Variants in GRIN2B observed in about 807,000 individuals in gnomAD.
The protein encoded by GRIN2B is glutamate ionotropic receptor NMDA type subunit 2B.
In GRIN2B, 5 loss-of-function variants were observed where a neutral mutation model predicts 114.5. The ratio of observed to expected loss-of-function variants is 0.04; its 90% CI spans 0.02 to 0.09. The LOEUF (loss-of-function observed/expected upper bound fraction) is 0.09. Ranked by LOEUF, GRIN2B falls within the 10% of genes least tolerant of loss-of-function variation. The pLI, the probability that GRIN2B is intolerant of heterozygous loss-of-function variation, is 1.00. For synonymous variants in GRIN2B, 787 were observed against 745.1 expected, an observed-to-expected ratio of 1.06 and a Z score of -0.92; for missense variants, 1,108 against 1,943.5, an observed-to-expected ratio of 0.57 and a Z score of 8.08.
intron 4 of GRIN2B, among the ~76,000 whole-genome samples, chr12:13,704,951 G>A (rs1026901107): frequency 3.3e-5 from 5 of 152,090 alleles, no homozygotes; most frequent in African/African-American, 1.2e-4. Context: ...AATGCCCCAT[G>A]ACTGATTTCA....
At position 13,554,455 on chromosome 12, in the gene GRIN2B, C is replaced by G. The variant is rs1948453903; in HGVS notation, c.*8328G>C. 1 of 152,208 alleles carries G rather than the reference C, an allele frequency of 6.6e-6. No homozygotes were observed. Among genetic ancestry groups the G allele is most frequent in the African/African-American group, 2.4e-5 (1 of 41,536 alleles). The allele number at this position is 152,208 out of a possible 1,614,324, so 9.4% of individuals were successfully genotyped here. ...AGGAGAGTATTTTGGACAAAGGGAA[C>G]AGTTTAAGGGAAGACGCAAGTGGGA... On this transcript the variant is annotated 3_prime_UTR_variant, in exon 14 of 14. Coordinates refer to ENST00000609686, the MANE Select transcript of GRIN2B (RefSeq NM_000834.5).
chr12:13,781,998 G>A (rs1864124310), intron 3 of GRIN2B, among the ~76,000 whole-genome samples: 1 of 152,098 alleles, frequency 6.6e-6, no homozygotes, highest in Non-Finnish European at 1.5e-5. Context: ...CATACACATA[G>A]CCCCATCACA....
intron 2 of GRIN2B, among the ~76,000 whole-genome samples, chr12:13,893,362 A>G (rs554103920): frequency 4.9e-4 from 75 of 152,280 alleles, no homozygotes; most frequent in African/African-American, 1.8e-3. Context: ...AGCAGAAAAC[A>G]TTAAAAACTA....
intron 2 of GRIN2B, among the ~76,000 whole-genome samples, chr12:13,962,183 GCTT>G (rs1037320433): frequency 1.7e-4 from 26 of 151,548 alleles, no homozygotes; most frequent in African/African-American, 6.0e-4. Flanking sequence ...CTTGGCAGCT[GCTT>G]CTTCTTCCAG....
chr12:13,638,227 T>G (rs1458708919), intron 5 of GRIN2B, among the ~76,000 whole-genome samples: 1 of 152,032 alleles, frequency 6.6e-6, no homozygotes, highest in East Asian at 1.9e-4. Flanking sequence ...CAAGGGCACC[T>G]CCCTTGACCC....
chr12:13,572,112 C>A (rs1327676408), intron 10 of GRIN2B, 148 bp from the exon 11 acceptor site: 1 of 679,164 alleles, frequency 1.5e-6, no homozygotes, highest in Non-Finnish European at 2.6e-6. Context: ...TCACCGAATA[C>A]ATTAGCCCTC....
intron 3 of GRIN2B, among the ~76,000 whole-genome samples, chr12:13,758,558 A>C (rs1016423433): frequency 4.6e-5 from 7 of 152,254 alleles, no homozygotes; most frequent in Non-Finnish European, 1.0e-4. Flanking sequence ...GGTTCTTAAA[A>C]TGGAATGGGT....
At chr12:13,826,493 GC>G (rs1305083272) in intron 3 of GRIN2B, among the ~76,000 whole-genome samples, 3 of 151,968 alleles carry the variant, frequency 2.0e-5, no homozygotes, top group African/African-American at 7.2e-5. Flanking sequence ...ATAATATTTT[GC>G]CACTAAATAG....
At chr12:13,843,026 A>ATTAT (rs60291696) in intron 3 of GRIN2B, among the ~76,000 whole-genome samples, 74 of 117,092 alleles carry the variant, frequency 6.3e-4, no homozygotes, top group South Asian at 2.1e-3. Flanking sequence ...AAAATTTTTT[A>ATTAT]TTATTTATTT....
intron 3 of GRIN2B, among the ~76,000 whole-genome samples, chr12:13,838,862 A>G (rs1337285087): frequency 6.6e-6 from 1 of 152,234 alleles, no homozygotes; most frequent in Non-Finnish European, 1.5e-5. Flanking sequence ...GCAAAGCAGC[A>G]TAAATCTGCC....
chr12:13,976,531 A>G (rs1181249044), intron 2 of GRIN2B, among the ~76,000 whole-genome samples: 27 of 152,188 alleles, frequency 1.8e-4, no homozygotes, highest in Admixed American at 1.7e-3. Flanking sequence ...ACACAAGACT[A>G]TCGTTTGGAA....
At chr12:13,871,893 GTTTTAGAAA>G (rs1194025275) in intron 2 of GRIN2B, among the ~76,000 whole-genome samples, 1 of 152,034 alleles carries the variant, frequency 6.6e-6, no homozygotes, top group African/African-American at 2.4e-5. Context: ...TTTGAATTAA[GTTTTAGAAA>G]TTTTAGAAAT....
chr12:13,812,602 C>A (rs1864753131), intron 3 of GRIN2B, among the ~76,000 whole-genome samples: 1 of 152,038 alleles, frequency 6.6e-6, no homozygotes, highest in African/African-American at 2.4e-5. Context: ...ATGAACACTG[C>A]AAATGATATA....
chr12:13,818,457 T>A (rs1381417014), intron 3 of GRIN2B, among the ~76,000 whole-genome samples: 1 of 152,216 alleles, frequency 6.6e-6, no homozygotes, highest in East Asian at 1.9e-4. Context: ...GATTTATTTT[T>A]AAGAAGGGGT....
Position 13,830,929 on chromosome 12 carries a change from G to A in GRIN2B, c.411+34869C>T, listed in dbSNP as rs553495990. ...ACCGTCCAAACCTTTGTTGAAATTC[G>A]ATCCCCAATGTTGGAGGTGGGTCCT... On this transcript the variant is annotated intron_variant, in intron 3 of 13. Coordinates refer to ENST00000609686, the MANE Select transcript of GRIN2B (RefSeq NM_000834.5). 4.6e-5 allele frequency among the ~76,000 whole-genome samples: 7 copies of A among 152,310 alleles called. No individual in the cohort carries two copies. In the South Asian group the frequency reaches 1.0e-3, roughly 23 times the overall value.
At chr12:13,566,966 C>A in intron 13 of GRIN2B, 59 bp downstream of exon 13, 2 of 1,177,250 alleles carry the variant, frequency 1.7e-6, no homozygotes, top group South Asian at 2.4e-5. Flanking sequence ...CTCTGCTTTG[C>A]ACAGTGCTAG....
intron 2 of GRIN2B, among the ~76,000 whole-genome samples, chr12:13,948,090 G>A (rs575627592): frequency 6.6e-6 from 1 of 152,262 alleles, no homozygotes; most frequent in Admixed American, 6.5e-5. Flanking sequence ...AAGTGCCATT[G>A]GGGAAGGATA....
chr12:13,778,223 T>C (rs1045711516), intron 3 of GRIN2B, among the ~76,000 whole-genome samples: 2 of 152,208 alleles, frequency 1.3e-5, no homozygotes, highest in Non-Finnish European at 2.9e-5. Context: ...TAATTCTCTA[T>C]ATCAAGAACA....
intron 10 of GRIN2B, among the ~76,000 whole-genome samples, chr12:13,592,868 C>G (rs780014230): frequency 6.6e-6 from 1 of 152,140 alleles, no homozygotes. Context: ...ATTAAACAAG[C>G]ATTCAACTTC....
Sources: allele counts gnomAD v4.1 joint callset (sites outside exome capture counted in the v4.1 genomes callset), GRCh38; gene constraint gnomAD v4.1.1; transcripts MANE v1.5; gene names NCBI Gene and HGNC (gene_info 2026-07-23, HGNC 2026-07-21).